RRM2: variants seen among roughly 807,000 people sequenced by gnomAD.
RRM2 encodes the protein ribonucleoside-diphosphate reductase subunit M2.
RRM2 carries 6 observed loss-of-function variants against 45.9 expected under a neutral mutation model. The observed-to-expected ratio is 0.13, with a 90% CI of 0.07 to 0.26. RRM2 has a LOEUF of 0.26. RRM2 is among the 10% of genes least tolerant of loss of function. The pLI is 1.00. For synonymous variants in RRM2, 177 were observed against 173.0 expected, an observed-to-expected ratio of 1.02 and a Z score of -0.18; for missense variants, 343 against 489.5, an observed-to-expected ratio of 0.70 and a Z score of 2.82.
intron 3 of RRM2, among the ~76,000 whole-genome samples, chr2:10,175,753 C>T (rs1047918354): frequency 3.6e-5 from 5 of 140,242 alleles, no homozygotes; most frequent in Admixed American, 7.4e-5. Flanking sequence ...CACACCACCA[C>T]GCTCAGCTAA....
chr2:10,175,552 C>G (rs1345195806), intron 3 of RRM2, among the ~76,000 whole-genome samples: 1 of 152,138 alleles, frequency 6.6e-6, no homozygotes, highest in Non-Finnish European at 1.5e-5. Context: ...TCCCCGCAGC[C>G]CCTGGTAAAC....
intron 3 of RRM2, among the ~76,000 whole-genome samples, chr2:10,151,117 A>G (rs2125315196): frequency 6.6e-6 from 1 of 151,922 alleles, no homozygotes; most frequent in South Asian, 2.1e-4. Flanking sequence ...CTGGCCTAGC[A>G]TAGTTATTTT....
At chr2:10,141,561 G>T (rs955737394) in exon 1 of RRM2, 1 of 421,368 alleles carries the variant, frequency 2.4e-6, no homozygotes, top group African/African-American at 2.0e-5. Flanking sequence ...CTGTGGTTGT[G>T]CTGGAATGGA....
At position 10,163,675 on chromosome 2, in the gene RRM2, G is replaced by A. The variant is rs557242114; in HGVS notation, n.482+21300G>A. ...CCTGAAGAGGGAAGTCTGCAGCCAG[G>A]CGCGAGCCTCGGTTCCCCGGCTGCC... On this transcript the variant is annotated intron_variant and non_coding_transcript_variant, in intron 3 of 3. Transcript: ENST00000381786. 3.3e-5 allele frequency among the ~76,000 whole-genome samples: 5 copies of A among 152,374 alleles called. No homozygotes were observed. In the South Asian group the frequency reaches 1.0e-3, roughly 32 times the overall value.
At chr2:10,156,740 G>C (rs1053940677) in intron 3 of RRM2, among the ~76,000 whole-genome samples, 1 of 152,208 alleles carries the variant, frequency 6.6e-6, no homozygotes, top group Non-Finnish European at 1.5e-5. Flanking sequence ...CTGGGCTCAA[G>C]CCATCCTCCT....
chr2:10,210,023 A>C (rs1018131400), intron 3 of RRM2, among the ~76,000 whole-genome samples: 2 of 152,108 alleles, frequency 1.3e-5, no homozygotes, highest in African/African-American at 4.8e-5. Context: ...GTCCTTCTCC[A>C]GACTTCCTGT....
chr2:10,159,135 G>T, intron 3 of RRM2, among the ~76,000 whole-genome samples: 1 of 152,070 alleles, frequency 6.6e-6, no homozygotes, highest in Non-Finnish European at 1.5e-5. Flanking sequence ...AGGTGGGGGT[G>T]GGTGACATTT....
rs963097594 is a variant in RRM2 at position 10,123,070 on chromosome 2, C to T, written c.174+13C>T. ...GCCCACGGAGCCGGTGAGTGGCGGGCGTGGGGCAGAGGGGCCAGGGACGGC... is the reference window on the plus strand; with the variant it reads ...GCCCACGGAGCCGGTGAGTGGCGGGTGTGGGGCAGAGGGGCCAGGGACGGC... On this transcript the variant is annotated intron_variant, in intron 2 of 9. Transcript: ENST00000304567. 1 of 1,544,380 alleles carries T rather than the reference C, an allele frequency of 6.5e-7. No individual in the cohort carries two copies.
rs141858074 is a variant in RRM2 at position 10,193,740 on chromosome 2, C to T, written n.483-16571C>T. ...CAGTTGCACCATGGGCAGCAACAGACCCTGGGCTTCAGGATGTCCCAGCAG... is the reference window on the plus strand; with the variant it reads ...CAGTTGCACCATGGGCAGCAACAGATCCTGGGCTTCAGGATGTCCCAGCAG... On this transcript the variant is annotated intron_variant and non_coding_transcript_variant, in intron 3 of 3. Transcript: ENST00000381786. Among the ~76,000 whole-genome samples the T allele has an allele frequency of 4.5e-3, 688 of 152,328 alleles. 4 individuals carry two copies. Among genetic ancestry groups the T allele is most frequent in the Non-Finnish European group, 5.8e-3 (395 of 68,030 alleles).
intron 3 of RRM2, among the ~76,000 whole-genome samples, chr2:10,191,944 C>A (rs192144450): frequency 1.8e-4 from 28 of 152,100 alleles, no homozygotes; most frequent in Non-Finnish European, 3.2e-4. Flanking sequence ...AGTCCGTGAC[C>A]CCTTGAGGAA....
intron 3 of RRM2, among the ~76,000 whole-genome samples, chr2:10,202,853 C>T (rs1210219755): frequency 6.6e-6 from 1 of 151,678 alleles, no homozygotes; most frequent in African/African-American, 2.4e-5. Context: ...CTGCCTCGGC[C>T]TCCCAAAGTG....
At position 10,128,884 on chromosome 2, in the gene RRM2, C is replaced by T. The variant is rs1662839598; in HGVS notation, c.835C>T (p.His279Tyr). Residue 279 changes from histidine (H) to tyrosine (Y), a missense_variant, in exon 8 of 10, where the codon CAC (histidine) becomes TAC (tyrosine). Physicochemically the swap from His to Tyr is moderately conservative, Grantham distance 83 (BLOSUM62 2). Coordinates refer to ENST00000304567, the MANE Select transcript of RRM2 (RefSeq NM_001034.4). ...TGATTTTGCTTGCCTGATGTTCAAA[C>T]ACCTGGTACACAAACCATCGGAGGA... ...HCDFACLMFK[H>Y]LVHKPSEERV... 1 of 1,614,174 alleles carries T rather than the reference C, an allele frequency of 6.2e-7. No individual in the cohort carries two copies. The highest frequency in any genetic ancestry group is 1.3e-5 in the African/African-American group (1 of 75,058).
chr2:10,146,647 C>CT (rs1663192749), intron 3 of RRM2, among the ~76,000 whole-genome samples: 1 of 90,448 alleles, frequency 1.1e-5, no homozygotes, highest in Admixed American at 9.1e-5. Flanking sequence ...GTGGGCCATG[C>CT]TTGGAGGGCG....
intron 3 of RRM2, among the ~76,000 whole-genome samples, chr2:10,183,571 T>A (rs1382840488): frequency 2.0e-5 from 3 of 152,322 alleles, no homozygotes; most frequent in African/African-American, 7.2e-5. Context: ...GGGTTCTGGC[T>A]GGGTATGGTG....
intron 3 of RRM2, among the ~76,000 whole-genome samples, chr2:10,199,541 G>C (rs978185359): frequency 4.6e-5 from 7 of 151,826 alleles, no homozygotes; most frequent in Non-Finnish European, 1.0e-4. Context: ...CAGCACTTTG[G>C]GAGGCCGAGG....
chr2:10,128,379 T>G (rs1214599325), intron 7 of RRM2, among the ~76,000 whole-genome samples: 7 of 152,370 alleles, frequency 4.6e-5, no homozygotes, highest in Non-Finnish European at 1.0e-4. Context: ...CCTTCCTTAC[T>G]GGATTGGGAG....
At chr2:10,200,976 G>C (rs1248106644) in intron 3 of RRM2, among the ~76,000 whole-genome samples, 1 of 152,082 alleles carries the variant, frequency 6.6e-6, no homozygotes, top group African/African-American at 2.4e-5. Flanking sequence ...GCGAAACCCT[G>C]TCTGTACTAA....
chr2:10,155,500 C>T (rs2125316632), intron 3 of RRM2: 1 of 152,568 alleles, frequency 6.6e-6, no homozygotes, highest in African/African-American at 2.4e-5. Flanking sequence ...GCTCAGGCCG[C>T]ACTGCCAGGC....
rs1202703149 is a variant in RRM2, at chr2:10,127,799, A to T, written c.798+579A>T. Among the ~76,000 whole-genome samples, 19 of 151,980 alleles carry T rather than the reference A, an allele frequency of 1.3e-4. No individual in the cohort carries two copies. Among genetic ancestry groups the T allele is most frequent in the Non-Finnish European group, 2.9e-5 (2 of 67,984 alleles). On this transcript the variant is annotated intron_variant, in intron 7 of 9. Transcript: ENST00000304567. The surrounding 1 kb of genome is among the most constrained non-coding windows in gnomAD (Gnocchi z 4.1). ...GCCCAGCCAAAACTACAAGTTATTGATGGGATTGGGATTTTAAGGGATGTT... is the reference window on the plus strand; with the variant it reads ...GCCCAGCCAAAACTACAAGTTATTGTTGGGATTGGGATTTTAAGGGATGTT...
Sources: allele counts gnomAD v4.1 joint callset (sites outside exome capture counted in the v4.1 genomes callset), GRCh38; gene constraint gnomAD v4.1.1; non-coding constraint Gnocchi (gnomAD v3.1); transcripts MANE v1.5; gene names NCBI Gene and HGNC (gene_info 2026-07-23, HGNC 2026-07-21).